The following ANKFN1 variants were observed in gnomAD, a reference collection of about 807,000 sequenced individuals.
ANKFN1 encodes the protein ankyrin repeat and fibronectin type III domain containing 1.
Under a neutral mutation model 108.7 loss-of-function variants are expected in ANKFN1, and 74 were observed. That is an observed-to-expected ratio of 0.68 (90% confidence interval 0.56 to 0.83). ANKFN1 has a LOEUF of 0.83. ANKFN1 is among the 40% of genes least tolerant of loss of function. The pLI is 0.00. For synonymous variants in ANKFN1, 547 were observed against 516.2 expected (o/e 1.06, Z -0.81); for missense variants, 1,505 against 1,382.3 (o/e 1.09, Z -1.41).
rs573043961 is a variant in ANKFN1 at position 56,099,751 on chromosome 17, G to A, written c.288+53426G>A. Among the ~76,000 whole-genome samples the A allele has an allele frequency of 9.2e-5, 14 of 152,354 alleles. No individual in the cohort carries two copies. The South Asian group carries it at 2.5e-3, about 27-fold the overall frequency. ...TCTGTTCTTCATTAGAGAGACAGAA[G>A]ATAATTCTGCATGGCCGGAGGGTAG... On this transcript the variant is annotated intron_variant, in intron 4 of 12. Coordinates refer to the ANKFN1 transcript ENST00000635860.
At chr17:56,197,218 G>A (rs1291537061) in intron 1 of ANKFN1, among the ~76,000 whole-genome samples, 2 of 152,072 alleles carry the variant, frequency 1.3e-5, no homozygotes, top group Non-Finnish European at 1.5e-5. Flanking sequence ...CCTCTCTAAT[G>A]TACATTTATA....
chr17:56,295,717 C>A (rs1369312818), intron 3 of ANKFN1, among the ~76,000 whole-genome samples: 1 of 152,178 alleles, frequency 6.6e-6, no homozygotes, highest in African/African-American at 2.4e-5. Flanking sequence ...TTTTTTCTCA[C>A]AGTTCTAGAG....
At chr17:56,461,643 A>C (rs2049905881) in intron 14 of ANKFN1, among the ~76,000 whole-genome samples, 1 of 152,188 alleles carries the variant, frequency 6.6e-6, no homozygotes, top group African/African-American at 2.4e-5. Context: ...TTCTTCATTC[A>C]GGAAAGTGAT....
At chr17:56,291,041 C>T (rs541570029) in intron 3 of ANKFN1, among the ~76,000 whole-genome samples, 3 of 152,270 alleles carry the variant, frequency 2.0e-5, no homozygotes, top group Middle Eastern at 3.4e-3. Flanking sequence ...TGTCCCTCAA[C>T]TCTTAAAAGT....
chr17:56,200,631 T>C (rs1225166386), intron 1 of ANKFN1, among the ~76,000 whole-genome samples: 1 of 152,226 alleles, frequency 6.6e-6, no homozygotes. Context: ...CTGTAGAACA[T>C]TGGACACCCT....
At chr17:56,497,424 G>A (rs553806958) in intron 19 of ANKFN1, among the ~76,000 whole-genome samples, 5 of 152,224 alleles carry the variant, frequency 3.3e-5, no homozygotes, top group East Asian at 1.9e-4. Context: ...AGGGGAAAAC[G>A]GCTGTAAGAC....
At chr17:56,342,539 T>C (rs564141479) in intron 4 of ANKFN1, among the ~76,000 whole-genome samples, 71 of 152,220 alleles carry the variant, frequency 4.7e-4, no homozygotes, top group African/African-American at 1.3e-3. Context: ...ATTTCTGCCT[T>C]AATTTAATTA....
At chr17:56,070,718 G>A (rs993668734) in intron 4 of ANKFN1, among the ~76,000 whole-genome samples, 3 of 147,126 alleles carry the variant, frequency 2.0e-5, no homozygotes, top group Admixed American at 6.9e-5. Context: ...TGTTGATAAT[G>A]TCCATTTTCT....
intron 4 of ANKFN1, among the ~76,000 whole-genome samples, chr17:56,129,848 T>A (rs1229954278): frequency 6.6e-6 from 1 of 152,210 alleles, no homozygotes; most frequent in Non-Finnish European, 1.5e-5. Context: ...ACCTAAATGA[T>A]CATTTGTTGA....
At chr17:56,281,435 T>TAA (rs2044080350) in intron 3 of ANKFN1, among the ~76,000 whole-genome samples, 1 of 152,034 alleles carries the variant, frequency 6.6e-6, no homozygotes, top group Admixed American at 6.6e-5. Flanking sequence ...ATGTATAAGC[T>TAA]AAAATTATAA....
upstream of ANKFN1, among the ~76,000 whole-genome samples, chr17:56,152,262 A>ATGTGTG (rs200366444): frequency 4.4e-3 from 346 of 77,822 alleles, 3 homozygotes; most frequent in East Asian, 0.023. Flanking sequence ...ATATATATAT[A>ATGTGTG]TGTGTGTGTG....
At chr17:56,061,010 A>G (rs771960709) in intron 4 of ANKFN1, among the ~76,000 whole-genome samples, 3 of 152,154 alleles carry the variant, frequency 2.0e-5, no homozygotes, top group Non-Finnish European at 2.9e-5. Context: ...AAGGAATGGT[A>G]CCAGCTCCTT....
chr17:56,320,157 A>G (rs1440660715), intron 3 of ANKFN1, among the ~76,000 whole-genome samples: 1 of 152,202 alleles, frequency 6.6e-6, no homozygotes, highest in East Asian at 1.9e-4. Flanking sequence ...AAGGTATTTG[A>G]TAAATGGCAG....
At position 56,082,773 on chromosome 17, in the gene ANKFN1, T is replaced by A. The variant is rs753683509; in HGVS notation, c.288+36448T>A. Among the ~76,000 whole-genome samples, 12 of 152,328 alleles carry A rather than the reference T, an allele frequency of 7.9e-5. No individual in the cohort carries two copies. The East Asian group carries it at 2.1e-3, about 27-fold the overall frequency. On this transcript the variant is annotated intron_variant, in intron 4 of 12. Transcript: ENST00000635860. ...TGAGACAACACAATGACTTCCTTGT[T>A]GGTGAGTTACTCTCTAGATGTTAGA...
chr17:56,355,210 C>T (rs1171232647), intron 6 of ANKFN1, among the ~76,000 whole-genome samples: 2 of 152,014 alleles, frequency 1.3e-5, no homozygotes, highest in African/African-American at 4.8e-5. Flanking sequence ...TCCAGTTGTA[C>T]CCCATAAATA....
At chr17:56,209,724 A>T (rs1328807394) in intron 1 of ANKFN1, among the ~76,000 whole-genome samples, 1 of 152,084 alleles carries the variant, frequency 6.6e-6, no homozygotes, top group African/African-American at 2.4e-5. Context: ...GGTTATATGA[A>T]TAAGTTCTTT....
chr17:56,370,643 G>A (rs2046785217), intron 6 of ANKFN1, among the ~76,000 whole-genome samples: 1 of 152,120 alleles, frequency 6.6e-6, no homozygotes, highest in African/African-American at 2.4e-5. Flanking sequence ...CAGTTACTGG[G>A]TCAATTAATC....
At chr17:56,232,412 A>T (rs1289313322) in intron 3 of ANKFN1, among the ~76,000 whole-genome samples, 19 of 152,174 alleles carry the variant, frequency 1.2e-4, no homozygotes, top group Non-Finnish European at 2.9e-5. Flanking sequence ...TTTAGTCCTG[A>T]GGCTAATCTA....
At chr17:56,414,373 G>A (rs759449822) in intron 8 of ANKFN1, among the ~76,000 whole-genome samples, 8 of 152,084 alleles carry the variant, frequency 5.3e-5, no homozygotes, top group Admixed American at 2.6e-4. Context: ...TGGAAGAGGA[G>A]GAACTTCCAA....
Sources: allele counts gnomAD v4.1 joint callset (sites outside exome capture counted in the v4.1 genomes callset), GRCh38; gene constraint gnomAD v4.1.1; transcripts MANE v1.5; gene names NCBI Gene and HGNC (gene_info 2026-07-23, HGNC 2026-07-21).